The following TTC14 variants were observed in gnomAD, a reference collection of about 807,000 sequenced individuals.
TTC14 encodes tetratricopeptide repeat domain 14.
In TTC14, 63 loss-of-function variants were observed where a neutral mutation model predicts 79.9. That is an observed-to-expected ratio of 0.79 (90% confidence interval 0.64 to 0.97). The LOEUF is 0.97. Among genes scored for constraint, TTC14 ranks in the 50% least tolerant of loss-of-function variants. The pLI is 0.00. For missense variants in TTC14, 895 were observed against 894.0 expected (o/e 1.00, Z -0.01); for synonymous variants, 335 against 309.6 (o/e 1.08, Z -0.86).
In TTC14 at chr3:180,610,639, A is replaced by C. The variant is rs560352270; in HGVS notation, c.*97A>C. On this transcript the variant is annotated 3_prime_UTR_variant, in exon 12 of 12. Transcript: ENST00000296015. ...GTTGAGTGCAGAAATCTCTGCTTCT[A>C]AAATTATTTGTAGAGATTACAGGAA... The C allele has an allele frequency of 2.0e-6, 3 of 1,482,176 alleles. No individual in the cohort carries two copies. In the African/African-American group the frequency reaches 4.2e-5, roughly 21 times the overall value. The allele number at this position is 1,482,176 out of a possible 1,614,324, so 91.8% of individuals were successfully genotyped here.
intron 6 of TTC14, 82 bp from the exon 7 acceptor site, chr3:180,605,684 G>A (rs896593750): frequency 7.1e-5 from 66 of 935,480 alleles, no homozygotes; most frequent in South Asian, 3.3e-5. Flanking sequence ...TTTCACTGTC[G>A]AGTGCCTGTC....
downstream of TTC14, among the ~76,000 whole-genome samples, chr3:180,612,931 A>AT (rs1717084151): frequency 6.6e-6 from 1 of 152,172 alleles, no homozygotes; most frequent in South Asian, 2.1e-4. Context: ...GAAAACATGA[A>AT]TAGGTATTTT....
chr3:180,605,061 GA>G (rs1716601217), intron 6 of TTC14, 54 bp downstream of exon 6: 2 of 1,544,118 alleles, frequency 1.3e-6, no homozygotes. Flanking sequence ...AGTAAGCTCA[GA>G]AGCTGCGTTT....
At chr3:180,613,791 T>G (rs1389383012), downstream of TTC14, 5 of 452,488 alleles carry the variant, frequency 1.1e-5, no homozygotes, top group South Asian at 6.3e-5. Flanking sequence ...AGCAGTACTT[T>G]AGCCAAAAAT....
chr3:180,609,223 C>A, intron 11 of TTC14: 1 of 716,616 alleles, frequency 1.4e-6, no homozygotes, highest in Non-Finnish European at 1.7e-6. Flanking sequence ...CTTAAACATT[C>A]TGTAATGCAC....
chr3:180,608,394 C>CTTTT (rs34053470), intron 10 of TTC14: 3 of 933,752 alleles, frequency 3.2e-6, no homozygotes, highest in Admixed American at 6.8e-5. Context: ...TTTTTATGTA[C>CTTTT]TTTTTTTTTT....
In TTC14 at chr3:180,608,808, G is replaced by A. The variant is rs750882103; in HGVS notation, c.1398G>A (p.Lys466=). 2.0e-6 allele frequency: 3 copies of A among 1,527,818 alleles called. No homozygotes were observed. Among genetic ancestry groups the A allele is most frequent in the African/African-American group, 1.4e-5 (1 of 70,888 alleles). 94.6% of individuals were successfully genotyped at this position (1,527,818 alleles called of 1,614,324 possible). A position where few individuals can be genotyped will look rare whatever the true frequency, so the allele number is the denominator to read the frequency against. The change falls in exon 11 of 12, where the codon AAG becomes AAA. Residue 466 remains lysine, a splice_region_variant and synonymous_variant. Transcript: ENST00000296015. ...TGCGTAAGCTCTTAAAAGAAGAGAA[G>A]AGGTAAACTATAATATTCAGTATTT... ...EKLRKLLKEE[K]RLKKKRRKST... is the part of the protein sequence containing the mutation.
chr3:180,608,959 A>G (rs1331356569), intron 11 of TTC14, 149 bp downstream of exon 11: 1 of 1,195,762 alleles, frequency 8.4e-7, no homozygotes, highest in Non-Finnish European at 1.0e-6. Flanking sequence ...TATGTGTTCC[A>G]TGTATTTTCT....
At chr3:180,603,498 C>T (rs535488883) in intron 3 of TTC14, 175 bp downstream of exon 3, 4 of 619,178 alleles carry the variant, frequency 6.5e-6, no homozygotes, top group South Asian at 6.0e-5. Flanking sequence ...CCAGTTTCTC[C>T]CTCCATTTCT....
In TTC14 at chr3:180,602,892, A is replaced by G; in HGVS notation, c.163A>G (p.Lys55Glu). 1.2e-6 allele frequency: 2 copies of G among 1,601,966 alleles called. No individual in the cohort carries two copies. The highest frequency in any genetic ancestry group is 1.7e-6 in the Non-Finnish European group (2 of 1,177,050). Residue 55 changes from lysine to glutamate, a missense_variant and splice_region_variant, in exon 2 of 12, where the codon AAA (lysine) becomes GAA (glutamate). Physicochemically the swap from Lys to Glu is moderately conservative, Grantham distance 56 (BLOSUM62 1). Coordinates refer to ENST00000296015, the MANE Select transcript of TTC14 (RefSeq NM_133462.4). Reference protein sequence around the residue: ...PPPQHPLQGRKEKRVDNIEIQ... With the variant: ...PPPQHPLQGREEKRVDNIEIQ... ...CATATATATTTTTTTCTTTTTAAGAAAAGAGAAGAGAGTTGACAACATCGA... is the reference window on the plus strand; with the variant it reads ...CATATATATTTTTTTCTTTTTAAGAGAAGAGAAGAGAGTTGACAACATCGA...
At position 180,609,176 on chromosome 3, in the gene TTC14, G is replaced by A. The variant is rs112496029; in HGVS notation, c.1400+366G>A. ...ATTTTTGATTGCCATAACTGATAGG[G>A]TGCTACTGCATCTAGTGTATAATGG... On this transcript the variant is annotated intron_variant, in intron 11 of 11. Transcript: ENST00000296015. The A allele has an allele frequency of 5.9e-5, 37 of 625,878 alleles. 1 individual carries two copies. In the African/African-American group the frequency reaches 6.6e-4, roughly 11 times the overall value. The allele number at this position is 625,878 out of a possible 1,614,324, so 38.8% of individuals were successfully genotyped here.
chr3:180,617,515 G>A (rs1250918165), exon 13 of TTC14: 1 of 662,406 alleles, frequency 1.5e-6, no homozygotes, highest in Non-Finnish European at 2.8e-6. Context: ...CTTCAAGTGG[G>A]ACAAGATATG....
In TTC14 at chr3:180,605,800, T is replaced by C. The variant is rs767909577; in HGVS notation, c.892T>C (p.Leu298=). The change falls in exon 7 of 12, where the codon TTG becomes CTG. Residue 298 remains leucine, a synonymous_variant. Transcript: ENST00000296015. ...CTCTGAAGATGATTTTGCTTCTGCA[T>C]TGAGAAAAAAACAATCCGCATCTTG... The part of the protein sequence containing the change: ...NFSEDDFASA[L]RKKQSASWAL... 4 of 1,570,622 alleles carry C rather than the reference T, an allele frequency of 2.5e-6. No individual in the cohort carries two copies. Among genetic ancestry groups the C allele is most frequent in the South Asian group, 2.4e-5 (2 of 84,066 alleles).
Sources: gnomAD v4.1 joint callset for allele counts (sites outside exome capture counted in the v4.1 genomes callset) on GRCh38, gnomAD v4.1.1 for gene constraint, MANE v1.5 for transcripts, NCBI Gene and HGNC (gene_info 2026-07-23, HGNC 2026-07-21) for gene names.